Variants in ALPK1 observed in about 807,000 individuals in gnomAD.
The protein encoded by ALPK1 is alpha-protein kinase 1.
ALPK1 carries 110 observed loss-of-function variants against 120.6 expected under a neutral mutation model. The observed-to-expected ratio is 0.91, with a 90% CI of 0.78 to 1.07. ALPK1 has a LOEUF of 1.07. ALPK1 is among the 50% of genes least tolerant of loss of function. The pLI, the probability that ALPK1 is intolerant of heterozygous loss-of-function variation, is 0.00. For synonymous variants in ALPK1, 582 were observed against 560.3 expected (o/e 1.04, Z -0.55); for missense variants, 1,498 against 1,483.9 (o/e 1.01, Z -0.16).
intron 4 of ALPK1, among the ~76,000 whole-genome samples, chr4:112,397,459 C>G (rs985405715): frequency 6.6e-6 from 1 of 152,124 alleles, no homozygotes; most frequent in Non-Finnish European, 1.5e-5. Context: ...TTTTAAATGG[C>G]AAAAACTGCA....
At chr4:112,335,088 T>C (rs865881172) in intron 2 of ALPK1, among the ~76,000 whole-genome samples, 10 of 151,818 alleles carry the variant, frequency 6.6e-5, no homozygotes, top group Non-Finnish European at 1.2e-4. Context: ...AGAAACCCCA[T>C]CTCTACTAAA....
At chr4:112,374,687 C>A (rs1007704986) in intron 2 of ALPK1, among the ~76,000 whole-genome samples, 1 of 152,066 alleles carries the variant, frequency 6.6e-6, no homozygotes, top group Non-Finnish European at 1.5e-5. Flanking sequence ...TACTTCTTGA[C>A]CCATGGGCTG....
In ALPK1 at chr4:112,431,441, G is replaced by C. The variant is rs184504248; in HGVS notation, c.1894G>C (p.Asp632His). 107 of 1,614,212 alleles carry C rather than the reference G, an allele frequency of 6.6e-5. 1 individual carries two copies. In the East Asian group the frequency reaches 2.2e-3, roughly 34 times the overall value. The part of the protein sequence containing the change: ...STALSEELEN[D>H]REGRAMHSLH... ...TGCCTTGTCTGAGGAGCTAGAGAAT[G>C]ACAGGGAAGGCAGAGCTATGCATTC... The change falls in exon 11 of 16, where the codon GAC becomes CAC. Residue 632 changes from aspartate (D) to histidine (H), a missense_variant. Physicochemically the swap from Asp to His is moderately conservative, Grantham distance 81. Transcript: ENST00000650871.
chr4:112,435,850 A>G (rs899595048), intron 12 of ALPK1, among the ~76,000 whole-genome samples: 2 of 152,228 alleles, frequency 1.3e-5, no homozygotes, highest in Non-Finnish European at 2.9e-5. Flanking sequence ...GATACCACTC[A>G]TACAAGCAAA....
chr4:112,416,513 G>C (rs1359775600), intron 5 of ALPK1, among the ~76,000 whole-genome samples: 1 of 152,156 alleles, frequency 6.6e-6, no homozygotes, highest in Non-Finnish European at 1.5e-5. Context: ...CTTCTAGCGG[G>C]ACTAACTAGA....
At chr4:112,372,707 C>T (rs1256618183) in intron 2 of ALPK1, among the ~76,000 whole-genome samples, 1 of 152,048 alleles carries the variant, frequency 6.6e-6, no homozygotes, top group Non-Finnish European at 1.5e-5. Flanking sequence ...CGTGACATCC[C>T]ATAGATCTCT....
At chr4:112,338,422 TAAAC>T (rs1729719768) in intron 2 of ALPK1, among the ~76,000 whole-genome samples, 1 of 152,142 alleles carries the variant, frequency 6.6e-6, no homozygotes, top group African/African-American at 2.4e-5. Flanking sequence ...AAAGTGATAC[TAAAC>T]AGACAATCAG....
At chr4:112,380,260 A>T (rs1398023524) in intron 3 of ALPK1, among the ~76,000 whole-genome samples, 1 of 152,198 alleles carries the variant, frequency 6.6e-6, no homozygotes, top group Non-Finnish European at 1.5e-5. Flanking sequence ...CAGTTTCAGA[A>T]GTTGAAATTA....
intron 7 of ALPK1, chr4:112,426,141 A>G (rs569856958): frequency 1.9e-5 from 4 of 209,840 alleles, no homozygotes; most frequent in East Asian, 1.1e-4. Context: ...GAATGCTAAT[A>G]TACTTTAGAA....
chr4:112,334,390 A>G lies in ALPK1; in HGVS notation c.-101+18538A>G, dbSNP rs185695554. ...GGAGATTGCAATGAGCCAAGATTTC[A>G]CCACTGCACTCCAGCCTGGGTGACA... On this transcript the variant is annotated intron_variant, in intron 2 of 15. Transcript: ENST00000650871. 4.1e-3 allele frequency among the ~76,000 whole-genome samples: 619 copies of G among 149,602 alleles called. 3 individuals are homozygous for G. Among genetic ancestry groups the G allele is most frequent in the African/African-American group, 0.014 (584 of 40,694 alleles).
intron 2 of ALPK1, chr4:112,356,025 C>G: frequency 1.4e-6 from 1 of 700,916 alleles, no homozygotes; most frequent in South Asian, 1.6e-5. Context: ...ATGCTCGCAT[C>G]ACTTACCAAG....
At chr4:112,436,080 T>C (rs993540306) in intron 12 of ALPK1, among the ~76,000 whole-genome samples, 3 of 152,246 alleles carry the variant, frequency 2.0e-5, no homozygotes, top group Admixed American at 1.3e-4. Flanking sequence ...GCCATGACTT[T>C]TCATTTAAAG....
At chr4:112,364,289 A>C (rs1420274554) in intron 2 of ALPK1, among the ~76,000 whole-genome samples, 1 of 151,754 alleles carries the variant, frequency 6.6e-6, no homozygotes, top group Non-Finnish European at 1.5e-5. Flanking sequence ...TTCTTTGAGA[A>C]AATAAATAAA....
At chr4:112,303,739 A>C (rs1003836962) in intron 1 of ALPK1, among the ~76,000 whole-genome samples, 2 of 151,158 alleles carry the variant, frequency 1.3e-5, no homozygotes, top group Admixed American at 6.6e-5. Flanking sequence ...ATCATACTTT[A>C]AGTTCTAGGG....
In ALPK1 at chr4:112,432,147, A is replaced by T; in HGVS notation, c.2600A>T (p.Asn867Ile). ...GACAGCATGGATGTTCCCTGCACAA[A>T]TGGGCACGGCTCTCATAGACTGTGC... ...LLDSMDVPCTNGHGSHRLCIL... is the reference protein window; with the variant it reads ...LLDSMDVPCTIGHGSHRLCIL... Residue 867 changes from asparagine to isoleucine, a missense_variant, in exon 11 of 16, where the codon AAT (asparagine) becomes ATT (isoleucine). By Grantham distance (149) the Asn-to-Ile change is moderately radical. Transcript: ENST00000650871. 6.2e-7 allele frequency: 1 copy of T among 1,614,194 alleles called. No homozygotes were observed. Among genetic ancestry groups the T allele is most frequent in the Non-Finnish European group, 8.5e-7 (1 of 1,180,030 alleles).
rs948290751 is a variant in ALPK1, at chr4:112,369,832, T to C, written c.-100-7846T>C. Among the ~76,000 whole-genome samples the C allele has an allele frequency of 2.0e-5, 3 of 152,242 alleles. No homozygotes were observed. The South Asian group carries it at 6.2e-4, about 31-fold the overall frequency. On this transcript the variant is annotated intron_variant, in intron 2 of 15. Transcript: ENST00000650871. Reference sequence around the variant, plus strand: ...AAATTGAGCTTGCAGAGTACAATTGTGTATTATATGCCCTGTATATTTATC... The same window carrying C: ...AAATTGAGCTTGCAGAGTACAATTGCGTATTATATGCCCTGTATATTTATC...
chr4:112,358,887 T>C (rs757235491), intron 2 of ALPK1: 1 of 771,990 alleles, frequency 1.3e-6, no homozygotes, highest in East Asian at 2.4e-5. Flanking sequence ...CCTGGCGACC[T>C]GTCTTGGCCT....
chr4:112,440,812 A>AGGGT (rs1553965154), intron 14 of ALPK1, 105 bp from the exon 15 acceptor site: 1 of 1,163,332 alleles, frequency 8.6e-7, no homozygotes, highest in Admixed American at 3.1e-5. Flanking sequence ...TATCTCTTTA[A>AGGGT]GTGTGTGTGT....
chr4:112,430,874 A>T lies in ALPK1; in HGVS notation c.1327A>T (p.Lys443Ter). Residue 443 changes from lysine (K) to a stop codon, truncating the protein, a stop_gained, in exon 11 of 16, where the codon AAA (lysine) becomes TAA (stop). Coordinates refer to ENST00000650871, the MANE Select transcript of ALPK1 (RefSeq NM_025144.4). LOFTEE classifies it high-confidence loss of function. ...VPESFECRLD[K>*]LILHGQGDFQ... ...CGAGAGTTTCGAGTGCAGGTTGGAT[A>T]AACTTATCTTGCATGGGCAAGGGGA... 1 of 1,614,176 alleles carries T rather than the reference A, an allele frequency of 6.2e-7. No individual in the cohort carries two copies. Among genetic ancestry groups the T allele is most frequent in the Non-Finnish European group, 8.5e-7 (1 of 1,179,982 alleles).
Sources: allele counts gnomAD v4.1 joint callset (sites outside exome capture counted in the v4.1 genomes callset), GRCh38; gene constraint gnomAD v4.1.1; transcripts MANE v1.5; gene names NCBI Gene and HGNC (gene_info 2026-07-23, HGNC 2026-07-21).